Variants in RANBP2 observed in about 807,000 individuals in gnomAD.
The protein encoded by RANBP2 is RAN binding protein 2, also known as E3 SUMO-protein ligase RanBP2.
RANBP2 carries 57 observed loss-of-function variants against 303.6 expected under a neutral mutation model. The ratio of observed to expected loss-of-function variants is 0.19; its 90% CI spans 0.15 to 0.23. The LOEUF (loss-of-function observed/expected upper bound fraction) is 0.23, where lower values mean the gene tolerates loss of function less well. Among genes scored for constraint, RANBP2 ranks in the 10% least tolerant of loss-of-function variants. The pLI, the probability that RANBP2 is intolerant of heterozygous loss-of-function variation, is 1.00. For synonymous variants in RANBP2, 1,167 were observed against 1,301.5 expected (o/e 0.90, Z 2.23); for missense variants, 3,138 against 3,780.8 (o/e 0.83, Z 4.46).
chr2:109,583,087 T>C, the RANBP2 span, among the ~76,000 whole-genome samples: 1 of 152,162 alleles, frequency 6.6e-6, no homozygotes, highest in Non-Finnish European at 1.5e-5. Flanking sequence ...GAAGAAAACC[T>C]AGAAAGCACC....
the RANBP2 span, among the ~76,000 whole-genome samples, chr2:109,081,740 A>G: frequency 6.6e-6 from 1 of 152,262 alleles, no homozygotes; most frequent in South Asian, 2.1e-4. Flanking sequence ...CGGCCCCACC[A>G]TCCCAGGACT....
chr2:109,262,110 C>T, the RANBP2 span, among the ~76,000 whole-genome samples: 1 of 152,178 alleles, frequency 6.6e-6, no homozygotes, highest in Non-Finnish European at 1.5e-5. Context: ...CCCTCGGCCT[C>T]AGGGCAGGAA....
chr2:108,910,775 C>G, the RANBP2 span: 2 of 1,612,896 alleles, frequency 1.2e-6, no homozygotes, highest in Non-Finnish European at 1.7e-6. Context: ...GGTTCACAGA[C>G]CTGGGGCCTC....
the RANBP2 span, among the ~76,000 whole-genome samples, chr2:109,628,430 G>A: frequency 6.6e-6 from 1 of 152,006 alleles, no homozygotes; most frequent in Non-Finnish European, 1.5e-5. Flanking sequence ...GGTGGCAGAA[G>A]TTGCAGTGAG....
the RANBP2 span, chr2:109,127,900 TAG>T: frequency 6.6e-6 from 1 of 152,262 alleles, no homozygotes; most frequent in Non-Finnish European, 1.5e-5. Flanking sequence ...CAGAGCTGTT[TAG>T]AGGATTAAAT....
chr2:109,492,545 CTA>C, the RANBP2 span, among the ~76,000 whole-genome samples: 4 of 152,206 alleles, frequency 2.6e-5, no homozygotes, highest in African/African-American at 9.7e-5. Flanking sequence ...GCCCTGCCTT[CTA>C]TGTTTCCCCA....
the RANBP2 span, chr2:108,930,979 C>T: frequency 6.2e-7 from 1 of 1,613,974 alleles, no homozygotes; most frequent in South Asian, 1.1e-5. Flanking sequence ...GGACGGGGAG[C>T]CAGGGCGTCT....
chr2:109,227,252 A>G, the RANBP2 span, among the ~76,000 whole-genome samples: 3 of 152,180 alleles, frequency 2.0e-5, no homozygotes, highest in Non-Finnish European at 4.4e-5. Context: ...GGAAGGAGCT[A>G]AGAGAAAATT....
the RANBP2 span, among the ~76,000 whole-genome samples, chr2:109,384,211 G>A: frequency 3.9e-5 from 6 of 152,170 alleles, no homozygotes; most frequent in Non-Finnish European, 7.4e-5. Context: ...CAGGCCCCGG[G>A]GATGCAGCCT....
chr2:109,442,002 A>G, the RANBP2 span, among the ~76,000 whole-genome samples: 1 of 152,052 alleles, frequency 6.6e-6, no homozygotes, highest in African/African-American at 2.4e-5. Flanking sequence ...AAACTAAAAG[A>G]TTTTGTCTCT....
the RANBP2 span, among the ~76,000 whole-genome samples, chr2:108,964,147 G>C: frequency 6.6e-6 from 1 of 152,202 alleles, no homozygotes; most frequent in African/African-American, 2.4e-5. Flanking sequence ...CAGCACAGAA[G>C]ATAGTCTTTC....
At chr2:109,266,953 C>T in the RANBP2 span, among the ~76,000 whole-genome samples, 1 of 152,134 alleles carries the variant, frequency 6.6e-6, no homozygotes, top group Non-Finnish European at 1.5e-5. Context: ...TTTACAAATA[C>T]GTGTAAGTGG....
chr2:109,398,824 G>A, the RANBP2 span: 1 of 1,613,786 alleles, frequency 6.2e-7, no homozygotes, highest in African/African-American at 1.3e-5. Flanking sequence ...ATCCTCCCAG[G>A]CTGCCAGCCA....
At chr2:109,181,619 A>G in the RANBP2 span, among the ~76,000 whole-genome samples, 70 of 152,304 alleles carry the variant, frequency 4.6e-4, no homozygotes, top group South Asian at 3.5e-3. Context: ...CCCCTCCAGC[A>G]TAAGGACCTG....
chr2:109,130,786 T>A, the RANBP2 span, among the ~76,000 whole-genome samples: 3 of 152,154 alleles, frequency 2.0e-5, no homozygotes, highest in African/African-American at 7.2e-5. Flanking sequence ...TTATTTTTGG[T>A]ACAGCCGCAT....
chr2:109,013,323 A>G, the RANBP2 span, among the ~76,000 whole-genome samples: 1 of 152,226 alleles, frequency 6.6e-6, no homozygotes, highest in Non-Finnish European at 1.5e-5. Context: ...TCAAGTTCAC[A>G]GCAGGTTTTT....
At chr2:109,541,123 A>T in the RANBP2 span, among the ~76,000 whole-genome samples, 141 of 152,326 alleles carry the variant, frequency 9.3e-4, no homozygotes, top group Admixed American at 5.6e-3. Flanking sequence ...AGTTACACAC[A>T]TCACCATGTT....
the RANBP2 span, among the ~76,000 whole-genome samples, chr2:109,246,349 CCA>C: frequency 1.3e-5 from 2 of 152,134 alleles, no homozygotes; most frequent in Non-Finnish European, 2.9e-5. Flanking sequence ...CTGTGTCCTC[CCA>C]TGGTAGAGGG....
At chr2:109,450,715 C>A in the RANBP2 span, among the ~76,000 whole-genome samples, 1 of 152,104 alleles carries the variant, frequency 6.6e-6, no homozygotes, top group Non-Finnish European at 1.5e-5. Context: ...ATAAGCAATT[C>A]TCCAGGGCTC....
Sources: allele counts gnomAD v4.1 joint callset (sites outside exome capture counted in the v4.1 genomes callset), GRCh38; gene constraint gnomAD v4.1.1; transcripts MANE v1.5; gene names NCBI Gene and HGNC (gene_info 2026-07-23, HGNC 2026-07-21).